The following CNIH3 variants were observed in gnomAD, a reference collection of about 807,000 sequenced individuals.
CNIH3 encodes cornichon family AMPA receptor auxiliary protein 3.
Under a neutral mutation model 24.1 loss-of-function variants are expected in CNIH3, and 14 were observed. That is an observed-to-expected ratio of 0.58 (90% CI 0.38 to 0.91). The LOEUF is 0.91. Ranked by LOEUF, CNIH3 falls within the 40% of genes least tolerant of loss-of-function variation. CNIH3 has a pLI of 0.00. For missense variants in CNIH3, 178 were observed against 196.8 expected (o/e 0.90, Z 0.57); for synonymous variants, 68 against 73.8 (o/e 0.92, Z 0.40).
At chr1:224,646,102 G>A (rs574192987) in intron 1 of CNIH3, among the ~76,000 whole-genome samples, 3 of 152,188 alleles carry the variant, frequency 2.0e-5, no homozygotes, top group African/African-American at 4.8e-5. Flanking sequence ...CCCAGTCCTC[G>A]ATCTCACGGT....
chr1:224,672,567 G>A (rs1685923262), intron 1 of CNIH3, among the ~76,000 whole-genome samples: 1 of 152,186 alleles, frequency 6.6e-6, no homozygotes, highest in African/African-American at 2.4e-5. Flanking sequence ...GCTCCTGGTA[G>A]CCCTTGATGT....
chr1:224,650,073 C>T (rs1184840610), intron 1 of CNIH3, among the ~76,000 whole-genome samples: 1 of 152,160 alleles, frequency 6.6e-6, no homozygotes, highest in Non-Finnish European at 1.5e-5. Context: ...TCCTCAGGCA[C>T]GAAGTGTTGT....
intron 1 of CNIH3, among the ~76,000 whole-genome samples, chr1:224,633,952 A>T (rs552304799): frequency 1.3e-5 from 2 of 152,210 alleles, no homozygotes; most frequent in African/African-American, 4.8e-5. Flanking sequence ...AGACTCTTTG[A>T]TGTGTTATCC....
intron 1 of CNIH3, among the ~76,000 whole-genome samples, chr1:224,637,212 C>A (rs983709855): frequency 1.3e-5 from 2 of 152,168 alleles, no homozygotes; most frequent in Non-Finnish European, 1.5e-5. Context: ...CTCAGCCTCC[C>A]AAAGTGCTGG....
intron 5 of CNIH3, 132 bp from the exon 6 acceptor site, chr1:224,739,197 C>T: frequency 6.8e-7 from 1 of 1,462,438 alleles, no homozygotes; most frequent in Non-Finnish European, 9.1e-7. Flanking sequence ...GCTGTAGTGA[C>T]AGGAATGAGG....
chr1:224,654,755 AT>A (rs1685020534), intron 1 of CNIH3, among the ~76,000 whole-genome samples: 1 of 152,172 alleles, frequency 6.6e-6, no homozygotes. Flanking sequence ...CATTACCAAG[AT>A]TTTTAATAAA....
intron 1 of CNIH3, among the ~76,000 whole-genome samples, chr1:224,671,914 T>C (rs2125131244): frequency 6.6e-6 from 1 of 152,232 alleles, no homozygotes; most frequent in East Asian, 1.9e-4. Context: ...AGCAAACACT[T>C]GCATGTAGCA....
intron 5 of CNIH3, among the ~76,000 whole-genome samples, chr1:224,739,058 G>A (rs1376654893): frequency 6.6e-6 from 1 of 152,136 alleles, no homozygotes; most frequent in Admixed American, 6.5e-5. Flanking sequence ...TCATCATCCT[G>A]ATGAGAATGA....
intron 2 of CNIH3, among the ~76,000 whole-genome samples, chr1:224,522,745 A>T (rs1398274998): frequency 1.3e-5 from 2 of 152,224 alleles, no homozygotes; most frequent in African/African-American, 4.8e-5. Flanking sequence ...AACCTAAAAA[A>T]ACAACTGATC....
At chr1:224,609,846 G>T (rs1353320470) in intron 3 of CNIH3, among the ~76,000 whole-genome samples, 1 of 152,104 alleles carries the variant, frequency 6.6e-6, no homozygotes, top group Non-Finnish European at 1.5e-5. Context: ...GAATGTAAGG[G>T]GAGAGCAGAT....
chr1:224,721,274 C>A (rs1363443707), intron 3 of CNIH3, among the ~76,000 whole-genome samples: 1 of 152,182 alleles, frequency 6.6e-6, no homozygotes, highest in East Asian at 1.9e-4. Flanking sequence ...CTTGTTGAAC[C>A]CTTAACCCCA....
At chr1:224,462,939 T>C (rs1320892430) in intron 1 of CNIH3, among the ~76,000 whole-genome samples, 2 of 137,768 alleles carry the variant, frequency 1.5e-5, no homozygotes, top group African/African-American at 5.5e-5. Flanking sequence ...TCTTGCTCTG[T>C]CACCAGGCTG....
At chr1:224,543,237 C>T (rs1679578896) in intron 2 of CNIH3, among the ~76,000 whole-genome samples, 1 of 152,128 alleles carries the variant, frequency 6.6e-6, no homozygotes, top group African/African-American at 2.4e-5. Context: ...GGGAGGGTGA[C>T]ACGTCCTGAT....
At chr1:224,649,075 C>G (rs1391904419) in intron 1 of CNIH3, among the ~76,000 whole-genome samples, 1 of 152,198 alleles carries the variant, frequency 6.6e-6, no homozygotes, top group African/African-American at 2.4e-5. Flanking sequence ...ACTGAGGGAC[C>G]CCCAAAGATG....
At chr1:224,620,953 G>T (rs1683251208) in intron 1 of CNIH3, among the ~76,000 whole-genome samples, 1 of 152,208 alleles carries the variant, frequency 6.6e-6, no homozygotes, top group South Asian at 2.1e-4. Context: ...ACTCACAAGA[G>T]CCTTCTCTGC....
At chr1:224,716,365 A>T (rs1373547899) in intron 3 of CNIH3, among the ~76,000 whole-genome samples, 1 of 152,230 alleles carries the variant, frequency 6.6e-6, no homozygotes, top group East Asian at 1.9e-4. Context: ...TAAGCCTATA[A>T]CTTCACGCAG....
intron 1 of CNIH3, among the ~76,000 whole-genome samples, chr1:224,456,719 C>A (rs1356717483): frequency 6.6e-6 from 1 of 152,184 alleles, no homozygotes; most frequent in Non-Finnish European, 1.5e-5. Flanking sequence ...CCAAAGATTC[C>A]CCCTGTCTTT....
At position 224,704,594 on chromosome 1, in the gene CNIH3, G is replaced by A. The variant is rs1202304049; in HGVS notation, c.198+19751G>A. On this transcript the variant is annotated intron_variant, in intron 3 of 5. Coordinates refer to ENST00000272133, the MANE Select transcript of CNIH3 (RefSeq NM_152495.2). The surrounding 1 kb of genome is among the most constrained non-coding windows in gnomAD (Gnocchi z 4.2). ...CCTTCTCAGCTCTTCCCCATCCCCCGTGTATGTACAGCACATACTTTTTTT... is the reference window on the plus strand; with the variant it reads ...CCTTCTCAGCTCTTCCCCATCCCCCATGTATGTACAGCACATACTTTTTTT... Among the ~76,000 whole-genome samples the A allele has an allele frequency of 3.9e-5, 6 of 152,052 alleles. No homozygotes were observed. The highest frequency in any genetic ancestry group is 3.9e-4 in the East Asian group (2 of 5,184).
rs775735711 is a variant in CNIH3, at chr1:224,684,123, C to T, written c.151-673C>T. Among the ~76,000 whole-genome samples, 2 of 152,202 alleles carry T rather than the reference C, an allele frequency of 1.3e-5. No homozygotes were observed. Among genetic ancestry groups the T allele is most frequent in the Non-Finnish European group, 2.9e-5 (2 of 68,042 alleles). ...GTGGCTTTGGAAATCGTTAAAGTCA[C>T]TGAAGGAAAAGGGAGGCAACGGCAT... is the stretch of plus-strand genomic sequence containing the variant. On this transcript the variant is annotated intron_variant, in intron 2 of 5. Transcript: ENST00000272133. This position sits in a 1 kb window ranked among gnomAD's most constrained non-coding sequence, Gnocchi z 4.2.
Sources: gnomAD v4.1 joint callset for allele counts (sites outside exome capture counted in the v4.1 genomes callset) on GRCh38, gnomAD v4.1.1 for gene constraint, Gnocchi (gnomAD v3.1) non-coding constraint, MANE v1.5 for transcripts, NCBI Gene and HGNC (gene_info 2026-07-23, HGNC 2026-07-21) for gene names.